Variants in PHACTR1 observed in about 807,000 individuals in gnomAD.
The protein encoded by PHACTR1 is phosphatase and actin regulator 1.
In PHACTR1, 16 loss-of-function variants were observed where a neutral mutation model predicts 69.2. That is an observed-to-expected ratio of 0.23 (90% CI 0.16 to 0.35). PHACTR1 has a LOEUF of 0.35. Among genes scored for constraint, PHACTR1 ranks in the 10% least tolerant of loss-of-function variants. The pLI, the probability that PHACTR1 is intolerant of heterozygous loss-of-function variation, is 1.00. For missense variants in PHACTR1, 510 were observed against 734.7 expected (o/e 0.69, Z 3.54); for synonymous variants, 312 against 284.5 (o/e 1.10, Z -0.97).
chr6:12,892,883 G>A (rs1784296312), intron 4 of PHACTR1, among the ~76,000 whole-genome samples: 1 of 152,206 alleles, frequency 6.6e-6, no homozygotes. Flanking sequence ...GACTTCATCA[G>A]AGTGCTCTTT....
rs377347135 is a variant in PHACTR1, at chr6:12,772,113, C to G, written c.250+22323C>G. 4.6e-5 allele frequency among the ~76,000 whole-genome samples: 7 copies of G among 152,250 alleles called. No homozygotes were observed. In the East Asian group the frequency reaches 1.4e-3, roughly 29 times the overall value. On this transcript the variant is annotated intron_variant, in intron 4 of 14. Coordinates refer to ENST00000332995, the MANE Select transcript of PHACTR1 (RefSeq NM_030948.6). ...ATTGGCTGTGAGTGAAAGGTGAGAA[C>G]AAGTGCCCTAGTTAGAGGGAGACAG...
chr6:13,236,593 C>A (rs1465549655), intron 10 of PHACTR1, among the ~76,000 whole-genome samples: 1 of 152,142 alleles, frequency 6.6e-6, no homozygotes, highest in Non-Finnish European at 1.5e-5. Context: ...TTCGTCTCTG[C>A]ATGATGCTCT....
Position 12,718,709 on chromosome 6 carries a change from G to T in PHACTR1, c.-36G>T. On this transcript the variant is annotated 5_prime_UTR_variant, in exon 3 of 15. Transcript: ENST00000332995. ...TTTTCCTCTTTATAGGTGTTCCAGT[G>T]TTTTCTCTCAAAACTCTGTGTTTGG... 8.0e-7 allele frequency: 1 copy of T among 1,248,220 alleles called. No homozygotes were observed. Among genetic ancestry groups the T allele is most frequent in the Non-Finnish European group, 1.1e-6 (1 of 893,696 alleles). The allele number at this position is 1,248,220 out of a possible 1,614,324, so 77.3% of individuals were successfully genotyped here.
At chr6:13,019,073 TA>T (rs201016688) in intron 4 of PHACTR1, among the ~76,000 whole-genome samples, 23 of 128,400 alleles carry the variant, frequency 1.8e-4, no homozygotes, top group South Asian at 4.9e-4. Context: ...TATATATATA[TA>T]TTTTTTCTTT....
chr6:13,087,240 C>G (rs1174003785), intron 5 of PHACTR1, among the ~76,000 whole-genome samples: 2 of 149,594 alleles, frequency 1.3e-5, no homozygotes, highest in East Asian at 3.9e-4. Context: ...CATACAGTAG[C>G]TTAAAATCAT....
intron 5 of PHACTR1, among the ~76,000 whole-genome samples, chr6:13,093,414 T>G (rs1813610640): frequency 6.6e-6 from 1 of 152,196 alleles, no homozygotes; most frequent in Non-Finnish European, 1.5e-5. Flanking sequence ...ATAAGAAAGA[T>G]CATTCCGATT....
intron 5 of PHACTR1, among the ~76,000 whole-genome samples, chr6:13,155,887 CAA>C (rs56094310): frequency 7.3e-6 from 1 of 136,088 alleles, no homozygotes; most frequent in African/African-American, 2.7e-5. Context: ...GACTCCCTCT[CAA>C]AAAAAAAAAA....
At chr6:12,838,855 A>T (rs1016967338) in intron 4 of PHACTR1, among the ~76,000 whole-genome samples, 3 of 152,178 alleles carry the variant, frequency 2.0e-5, no homozygotes, top group African/African-American at 7.2e-5. Flanking sequence ...GCCATGTTTG[A>T]TAAGCCTTAT....
At chr6:13,227,517 A>G (rs1287266004) in intron 8 of PHACTR1, among the ~76,000 whole-genome samples, 1 of 152,096 alleles carries the variant, frequency 6.6e-6, no homozygotes, top group Non-Finnish European at 1.5e-5. Flanking sequence ...TGCAACCATC[A>G]CACCACCCAC....
intron 4 of PHACTR1, among the ~76,000 whole-genome samples, chr6:12,798,070 C>CACACACACACACACA (rs1773277304): frequency 1.5e-4 from 1 of 6,512 alleles, no homozygotes; most frequent in African/African-American, 3.6e-4. Context: ...ACACACACAC[C>CACACACACACACACA]CCTACATAAG....
intron 4 of PHACTR1, among the ~76,000 whole-genome samples, chr6:12,943,384 G>C (rs893120209): frequency 3.3e-5 from 5 of 152,198 alleles, no homozygotes; most frequent in African/African-American, 1.2e-4. Context: ...ATTGTTTCTT[G>C]CCTACAGGGT....
chr6:13,110,515 C>T (rs545067166), intron 5 of PHACTR1, among the ~76,000 whole-genome samples: 34 of 152,292 alleles, frequency 2.2e-4, no homozygotes, highest in African/African-American at 7.7e-4. Flanking sequence ...CAGCTAAAAA[C>T]GCAGGAGGAT....
chr6:13,071,974 T>A (rs35229766), intron 5 of PHACTR1, among the ~76,000 whole-genome samples: 3 of 152,122 alleles, frequency 2.0e-5, no homozygotes, highest in Non-Finnish European at 4.4e-5. Context: ...CATCATTTTA[T>A]AATAATATGT....
chr6:13,083,557 T>C (rs1583282643), intron 5 of PHACTR1, among the ~76,000 whole-genome samples: 1 of 151,750 alleles, frequency 6.6e-6, no homozygotes, highest in Admixed American at 6.6e-5. Context: ...TTTCACGATA[T>C]TGATTCTTCC....
At chr6:13,281,902 G>C (rs1296672942) in intron 12 of PHACTR1, among the ~76,000 whole-genome samples, 8 of 152,224 alleles carry the variant, frequency 5.3e-5, no homozygotes, top group African/African-American at 1.7e-4. Flanking sequence ...AGTCTAGGCA[G>C]GGGGGCCGGC....
At chr6:12,793,546 A>C (rs1772599513) in intron 4 of PHACTR1, among the ~76,000 whole-genome samples, 1 of 152,226 alleles carries the variant, frequency 6.6e-6, no homozygotes, top group South Asian at 2.1e-4. Context: ...AATTTTTGCA[A>C]AATTCTGAAT....
intron 4 of PHACTR1, among the ~76,000 whole-genome samples, chr6:12,980,126 AG>A (rs1795334493): frequency 6.6e-6 from 1 of 152,182 alleles, no homozygotes; most frequent in African/African-American, 2.4e-5. Context: ...TAGCAAAAGG[AG>A]GGTGGCATAA....
At chr6:12,940,122 C>A (rs1035581089) in intron 4 of PHACTR1, among the ~76,000 whole-genome samples, 4 of 152,178 alleles carry the variant, frequency 2.6e-5, no homozygotes, top group African/African-American at 7.2e-5. Context: ...AACCTGAACA[C>A]CATCACAGCC....
At chr6:12,830,529 C>A (rs1272715390) in intron 4 of PHACTR1, among the ~76,000 whole-genome samples, 1 of 150,800 alleles carries the variant, frequency 6.6e-6, no homozygotes, top group East Asian at 1.9e-4. Context: ...CACCTAGGGG[C>A]AGGATATACT....
Sources: gnomAD v4.1 joint callset for allele counts (sites outside exome capture counted in the v4.1 genomes callset) on GRCh38, gnomAD v4.1.1 for gene constraint, MANE v1.5 for transcripts, NCBI Gene and HGNC (gene_info 2026-07-23, HGNC 2026-07-21) for gene names.